RBFOX2: variants seen among roughly 807,000 people sequenced by gnomAD.
The protein encoded by RBFOX2 is RNA binding protein fox-1 homolog 2.
Under a neutral mutation model 49.1 loss-of-function variants are expected in RBFOX2, and 10 were observed. The observed-to-expected ratio is 0.20, with a 90% CI of 0.13 to 0.35. The LOEUF (loss-of-function observed/expected upper bound fraction) is 0.35. Among genes scored for constraint, RBFOX2 ranks in the 10% least tolerant of loss-of-function variants. RBFOX2 has a pLI of 1.00. For synonymous variants in RBFOX2, 183 were observed against 187.4 expected (o/e 0.98, Z 0.19); for missense variants, 323 against 486.9 (o/e 0.66, Z 3.17).
intron 9 of RBFOX2, among the ~76,000 whole-genome samples, chr22:35,752,939 A>G (rs562354750): frequency 1.3e-5 from 2 of 152,324 alleles, no homozygotes; most frequent in African/African-American, 4.8e-5. Context: ...CAAACTAGGA[A>G]CAGAATTGCT....
chr22:35,888,749 C>T (rs2046901853), intron 1 of RBFOX2, among the ~76,000 whole-genome samples: 2 of 152,192 alleles, frequency 1.3e-5, no homozygotes, highest in Admixed American at 6.5e-5. Context: ...TTCCATATTG[C>T]TAAATCCAAG....
intron 10 of RBFOX2, 48 bp downstream of exon 12, chr22:35,746,425 G>A (rs776342545): frequency 7.0e-7 from 1 of 1,423,110 alleles, no homozygotes; most frequent in Admixed American, 2.2e-5. Flanking sequence ...ATTTTGGGAT[G>A]GAACAGCTCT....
intron 1 of RBFOX2, among the ~76,000 whole-genome samples, chr22:35,948,375 C>A (rs189258291): frequency 6.6e-6 from 1 of 152,210 alleles, no homozygotes; most frequent in East Asian, 1.9e-4. Flanking sequence ...TCAATCATGA[C>A]AAAATTATAT....
At chr22:35,912,988 C>T (rs952500400) in intron 1 of RBFOX2, among the ~76,000 whole-genome samples, 2 of 152,136 alleles carry the variant, frequency 1.3e-5, no homozygotes, top group Non-Finnish European at 2.9e-5. Flanking sequence ...TAGGCCAGTG[C>T]CTTTCTTAAT....
intron 1 of RBFOX2, among the ~76,000 whole-genome samples, chr22:35,869,016 C>T (rs766608961): frequency 6.6e-6 from 1 of 152,192 alleles, no homozygotes; most frequent in Non-Finnish European, 1.5e-5. Flanking sequence ...TAACCCTCAA[C>T]TGCTTTCACA....
chr22:35,872,827 T>A (rs773546555), intron 1 of RBFOX2, among the ~76,000 whole-genome samples: 1 of 152,144 alleles, frequency 6.6e-6, no homozygotes, highest in South Asian at 2.1e-4. Context: ...ATGGGGGGCA[T>A]GGCAGGCCAG....
chr22:35,849,298 AACACACACAC>A (rs61515031), intron 1 of RBFOX2, among the ~76,000 whole-genome samples: 92 of 133,348 alleles, frequency 6.9e-4, no homozygotes, highest in South Asian at 3.2e-3. Flanking sequence ...TACACACACA[AACACACACAC>A]ACACACACAC....
chr22:35,748,316 T>C (rs1232291899), intron 9 of RBFOX2: 1 of 152,230 alleles, frequency 6.6e-6, no homozygotes, highest in Non-Finnish European at 1.5e-5. Flanking sequence ...TAATTAATAT[T>C]ACCAAACACT....
chr22:35,990,127 G>T (rs1345940398), intron 1 of RBFOX2, among the ~76,000 whole-genome samples: 1 of 152,170 alleles, frequency 6.6e-6, no homozygotes, highest in African/African-American at 2.4e-5. Context: ...AGGTTGCAGT[G>T]AGCAGAGATC....
At chr22:35,854,144 G>A (rs1232828628) in intron 1 of RBFOX2, among the ~76,000 whole-genome samples, 12 of 152,148 alleles carry the variant, frequency 7.9e-5, no homozygotes, top group African/African-American at 1.7e-4. Flanking sequence ...TCTGGGAGGC[G>A]GAGGTTGCAG....
chr22:35,840,494 T>C (rs1018375250), exon 1 of RBFOX2: 1 of 1,340,878 alleles, frequency 7.5e-7, no homozygotes, highest in South Asian at 1.7e-5. Context: ...CCTAAGGTAA[T>C]TAATCAGAGT....
intron 1 of RBFOX2, among the ~76,000 whole-genome samples, chr22:36,008,889 A>C (rs1223058284): frequency 1.3e-5 from 2 of 152,218 alleles, no homozygotes; most frequent in Non-Finnish European, 2.9e-5. Flanking sequence ...AAAGTAAAAT[A>C]TACAATCTAT....
At chr22:35,834,412 A>AC (rs1182446100) in intron 1 of RBFOX2, among the ~76,000 whole-genome samples, 1 of 152,248 alleles carries the variant, frequency 6.6e-6, no homozygotes, top group Admixed American at 6.5e-5. Context: ...CACTGGGAAT[A>AC]CAACAGACTG....
chr22:35,951,306 C>CGTG (rs2054907593), intron 1 of RBFOX2, among the ~76,000 whole-genome samples: 1 of 113,928 alleles, frequency 8.8e-6, no homozygotes, highest in Non-Finnish European at 1.7e-5. Context: ...AGTGCAGTGG[C>CGTG]GTGATCTTGG....
chr22:35,954,806 TAAACAA>T (rs1273998809), intron 1 of RBFOX2, among the ~76,000 whole-genome samples: 12 of 152,064 alleles, frequency 7.9e-5, no homozygotes, highest in Non-Finnish European at 1.6e-4. Context: ...AAGAGGCATG[TAAACAA>T]ATACAATATG....
chr22:35,815,099 C>G (rs1952772655), intron 1 of RBFOX2, among the ~76,000 whole-genome samples: 2 of 152,210 alleles, frequency 1.3e-5, no homozygotes, highest in South Asian at 4.1e-4. Context: ...CACCTACCGA[C>G]AGGTGACTTT....
At chr22:35,959,100 G>A (rs1178536812) in intron 1 of RBFOX2, among the ~76,000 whole-genome samples, 1 of 152,128 alleles carries the variant, frequency 6.6e-6, no homozygotes, top group Non-Finnish European at 1.5e-5. Flanking sequence ...TAAGGGACTA[G>A]AACTACACTA....
At position 35,977,761 on chromosome 22, in the gene RBFOX2, T is replaced by TATATATATATATATATATAC. The variant is rs1259422253; in HGVS notation, c.187-38865_187-38864insGTATATATATATATATATAT. ...ATATATATATATATATATATATATATACATGCACACACACACATATACATA... is the reference window on the plus strand; with the variant it reads ...ATATATATATATATATATATATATATATATATATATATATATATACACATGCACACACACACATATACATA... On this transcript the variant is annotated intron_variant, in intron 1 of 13. Coordinates refer to the RBFOX2 transcript ENST00000438146. 3.3e-5 allele frequency among the ~76,000 whole-genome samples: 3 copies of TATATATATATATATATATAC among 90,934 alleles called. 1 individual carries two copies. The highest frequency in any genetic ancestry group is 4.1e-4 in the South Asian group (1 of 2,468). The allele number at this position is 90,934 out of a possible 152,430, so 59.7% of individuals were successfully genotyped here. A position where few individuals can be genotyped will look rare whatever the true frequency, so the allele number is the denominator to read the frequency against.
intron 1 of RBFOX2, among the ~76,000 whole-genome samples, chr22:35,853,930 G>A (rs1374757478): frequency 6.6e-6 from 1 of 152,050 alleles, no homozygotes; most frequent in Non-Finnish European, 1.5e-5. Context: ...ATATGACTAG[G>A]CCAGGCACGG....
Sources: allele counts gnomAD v4.1 joint callset (sites outside exome capture counted in the v4.1 genomes callset), GRCh38; gene constraint gnomAD v4.1.1; transcripts MANE v1.5; gene names NCBI Gene and HGNC (gene_info 2026-07-23, HGNC 2026-07-21).